COL19A1: variants seen among roughly 807,000 people sequenced by gnomAD.
The protein encoded by COL19A1 is collagen type XIX alpha 1 chain.
In COL19A1, 159 loss-of-function variants were observed where a neutral mutation model predicts 190.2. That is an observed-to-expected ratio of 0.84 (90% confidence interval 0.73 to 0.95). COL19A1 has a LOEUF of 0.95. Among genes scored for constraint, COL19A1 ranks in the 40% least tolerant of loss-of-function variants. COL19A1 has a pLI of 0.00. For synonymous variants in COL19A1, 509 were observed against 458.9 expected, an observed-to-expected ratio of 1.11 and a Z score of -1.39; for missense variants, 1,418 against 1,431.9, an observed-to-expected ratio of 0.99 and a Z score of 0.16.
chr6:69,983,224 T>A (rs935030309), intron 11 of COL19A1, among the ~76,000 whole-genome samples: 6 of 152,072 alleles, frequency 3.9e-5, no homozygotes, highest in Non-Finnish European at 7.4e-5. Context: ...ACTGTAGAGT[T>A]CTTACATAAT....
At chr6:70,187,332 A>ACACACACAAACATG (rs59809622) in intron 46 of COL19A1, among the ~76,000 whole-genome samples, 50,973 of 144,786 alleles carry the variant, frequency 0.35, 9,301 homozygotes, top group Middle Eastern at 0.47. Context: ...CTCAACGTGC[A>ACACACACAAACATG]CACACACATG....
intron 16 of COL19A1, among the ~76,000 whole-genome samples, chr6:70,106,492 A>G (rs567053237): frequency 6.6e-6 from 1 of 152,194 alleles, no homozygotes; most frequent in South Asian, 2.1e-4. Context: ...TCAGTGTTTC[A>G]TGGAAAGTCA....
chr6:70,115,018 C>A (rs1784483633), intron 16 of COL19A1, among the ~76,000 whole-genome samples: 1 of 152,168 alleles, frequency 6.6e-6, no homozygotes, highest in Admixed American at 6.5e-5. Context: ...TCCAAGTTAA[C>A]CTGAAGACTT....
chr6:70,062,908 A>T (rs1268043372), intron 14 of COL19A1, among the ~76,000 whole-genome samples: 15 of 152,090 alleles, frequency 9.9e-5, no homozygotes, highest in Admixed American at 9.2e-4. Flanking sequence ...TGGTAAAGGG[A>T]TCAATTCAAC....
chr6:69,917,296 T>A (rs1019774780), intron 4 of COL19A1, among the ~76,000 whole-genome samples: 4 of 152,234 alleles, frequency 2.6e-5, no homozygotes, highest in African/African-American at 7.2e-5. Context: ...GTTGTTTTCC[T>A]GATGAATGTG....
Position 70,068,417 on chromosome 6 carries a change from T to C in COL19A1, c.1171-6T>C, listed in dbSNP as rs1202632837. 1.9e-6 allele frequency: 3 copies of C among 1,580,006 alleles called. No homozygotes were observed. Among genetic ancestry groups the C allele is most frequent in the South Asian group, 1.1e-5 (1 of 90,374 alleles). On this transcript the variant is annotated splice_region_variant and splice_polypyrimidine_tract_variant and intron_variant, in intron 14 of 50. Coordinates refer to ENST00000620364, the MANE Select transcript of COL19A1 (RefSeq NM_001858.6). ...TGTATTAACATGTGTCTCTTTTTCC[T>C]CATAGGGTTCCCTGGGGATACAAGG...
At chr6:70,126,734 A>C (rs1174096176) in intron 17 of COL19A1, among the ~76,000 whole-genome samples, 1 of 152,204 alleles carries the variant, frequency 6.6e-6, no homozygotes, top group Non-Finnish European at 1.5e-5. Flanking sequence ...ATCATCTCAC[A>C]GTTCTGGGGG....
intron 16 of COL19A1, among the ~76,000 whole-genome samples, chr6:70,115,825 G>GATTT (rs1276091598): frequency 8.5e-6 from 1 of 117,202 alleles, no homozygotes; most frequent in Admixed American, 9.2e-5. Context: ...TTGGTGTTTT[G>GATTT]TTTTTTTTTT....
rs193120044 is a variant in COL19A1 at position 69,981,818 on chromosome 6, C to T, written c.1026+18948C>T. Among the ~76,000 whole-genome samples the T allele has an allele frequency of 6.8e-3, 1,036 of 152,058 alleles. 7 individuals are homozygous for T. The highest frequency in any genetic ancestry group is 0.012 in the Non-Finnish European group (834 of 67,982). ...ATATGTTCCCTTGCCCATGCCAAGT[C>T]TTGCAAAGAAAACATTTTAAAATCT... On this transcript the variant is annotated intron_variant, in intron 11 of 50. Coordinates refer to ENST00000620364, the MANE Select transcript of COL19A1 (RefSeq NM_001858.6).
chr6:69,881,924 T>C (rs1768584457), intron 2 of COL19A1, among the ~76,000 whole-genome samples: 1 of 152,202 alleles, frequency 6.6e-6, no homozygotes, highest in Admixed American at 6.5e-5. Flanking sequence ...ACCCTTCTTG[T>C]GTCTTGTGTA....
rs868258694 is a variant in COL19A1 at position 69,955,522 on chromosome 6, A to T, written c.937-4474A>T. 1.2e-4 allele frequency among the ~76,000 whole-genome samples: 17 copies of T among 138,968 alleles called. No individual in the cohort carries two copies. The South Asian group carries it at 2.7e-3, about 22-fold the overall frequency. 91.2% of individuals were successfully genotyped at this position (138,968 alleles called of 152,430 possible). On this transcript the variant is annotated intron_variant, in intron 9 of 50. Transcript: ENST00000620364. ...CAAAACTGTATAGTAGCCACAGCAA[A>T]GTGTGTGTGTGTGTGTGTGTGTGTG...
At chr6:70,018,316 A>G (rs1778230898) in intron 11 of COL19A1, among the ~76,000 whole-genome samples, 1 of 152,104 alleles carries the variant, frequency 6.6e-6, no homozygotes, top group South Asian at 2.1e-4. Context: ...TTTGAGAGTA[A>G]AAGCAGAAGT....
At chr6:70,159,119 A>T (rs528900404) in intron 34 of COL19A1, among the ~76,000 whole-genome samples, 48 of 151,252 alleles carry the variant, frequency 3.2e-4, no homozygotes, top group South Asian at 1.3e-3. Flanking sequence ...ACATCTCTGG[A>T]CTGATTCAGT....
chr6:69,945,637 C>T (rs1295148292), intron 9 of COL19A1, among the ~76,000 whole-genome samples: 1 of 151,670 alleles, frequency 6.6e-6, no homozygotes, highest in Non-Finnish European at 1.5e-5. Context: ...CTTTCTAATC[C>T]CATATTGAAT....
At chr6:70,100,474 T>C (rs1265976599) in intron 15 of COL19A1, among the ~76,000 whole-genome samples, 2 of 152,000 alleles carry the variant, frequency 1.3e-5, no homozygotes, top group African/African-American at 4.8e-5. Context: ...ATGGTTTAGA[T>C]CTATAAAATG....
At chr6:69,886,653 C>G (rs1226416949) in intron 2 of COL19A1, among the ~76,000 whole-genome samples, 5 of 151,476 alleles carry the variant, frequency 3.3e-5, no homozygotes, top group African/African-American at 7.3e-5. Context: ...TTAGTCATTA[C>G]TTTTGCTATA....
intron 18 of COL19A1, 56 bp from the exon 19 acceptor site, chr6:70,137,629 C>T: frequency 6.6e-7 from 1 of 1,504,502 alleles, no homozygotes; most frequent in Non-Finnish European, 9.2e-7. Flanking sequence ...ATCTGACAGT[C>T]ACAATAATGC....
intron 16 of COL19A1, among the ~76,000 whole-genome samples, chr6:70,106,430 A>G (rs893545194): frequency 2.0e-5 from 3 of 152,028 alleles, no homozygotes; most frequent in Non-Finnish European, 4.4e-5. Flanking sequence ...ATAATGGAAA[A>G]TTTACTAACA....
At chr6:70,016,385 C>G (rs1294222559) in intron 11 of COL19A1, among the ~76,000 whole-genome samples, 5 of 85,980 alleles carry the variant, frequency 5.8e-5, no homozygotes, top group Non-Finnish European at 1.1e-4. Flanking sequence ...AAAAAAAAAA[C>G]ACATGAAAAA....
Sources: allele counts gnomAD v4.1 joint callset (sites outside exome capture counted in the v4.1 genomes callset), GRCh38; gene constraint gnomAD v4.1.1; transcripts MANE v1.5; gene names NCBI Gene and HGNC (gene_info 2026-07-23, HGNC 2026-07-21).